Variants in IGFL2 observed in about 807,000 individuals in gnomAD.
IGFL2 encodes insulin growth factor-like family member 2.
IGFL2 carries 7 observed loss-of-function variants against 13.9 expected under a neutral mutation model. The observed-to-expected ratio is 0.51, with a 90% CI of 0.29 to 0.95. The LOEUF is 0.95. IGFL2 is among the 40% of genes least tolerant of loss of function. The pLI, the probability that IGFL2 is intolerant of heterozygous loss-of-function variation, is 0.08. For missense variants in IGFL2, 138 were observed against 147.8 expected (o/e 0.93, Z 0.34); for synonymous variants, 55 against 55.8 (o/e 0.99, Z 0.07).
upstream of IGFL2, among the ~76,000 whole-genome samples, chr19:46,138,712 A>G (rs1409129023): frequency 6.6e-6 from 1 of 152,188 alleles, no homozygotes; most frequent in Non-Finnish European, 1.5e-5. Context: ...GAAGCACCTT[A>G]GTTTGGCAAC....
the IGFL2 span, among the ~76,000 whole-genome samples, chr19:46,079,772 G>C: frequency 6.6e-6 from 1 of 152,168 alleles, no homozygotes; most frequent in Non-Finnish European, 1.5e-5. Flanking sequence ...CTCATCAAAG[G>C]AAGCTCAGAT....
At chr19:46,099,917 G>C in the IGFL2 span, among the ~76,000 whole-genome samples, 9 of 151,836 alleles carry the variant, frequency 5.9e-5, no homozygotes, top group African/African-American at 2.2e-4. Flanking sequence ...TTATCCTTCT[G>C]CTTGATACCT....
chr19:46,110,807 C>G, the IGFL2 span, among the ~76,000 whole-genome samples: 442 of 152,118 alleles, frequency 2.9e-3, 1 homozygote, highest in Non-Finnish European at 5.0e-3. Context: ...CAAGATGATA[C>G]GATACATCAT....
the IGFL2 span, among the ~76,000 whole-genome samples, chr19:46,205,333 G>A: frequency 6.6e-6 from 1 of 152,148 alleles, no homozygotes; most frequent in Non-Finnish European, 1.5e-5. Context: ...GGCTACCTGG[G>A]ACTAGGCATT....
chr19:46,122,161 A>C, the IGFL2 span, among the ~76,000 whole-genome samples: 1 of 151,068 alleles, frequency 6.6e-6, no homozygotes, highest in Non-Finnish European at 1.5e-5. Context: ...TAAAAAGTGT[A>C]CATCCACTTC....
Position 46,160,652 on chromosome 19 carries a change from C to G in IGFL2, c.112C>G (p.Pro38Ala), listed in dbSNP as rs1314902815. The G allele has an allele frequency of 6.2e-7, 1 of 1,614,094 alleles. No individual in the cohort carries two copies. The highest frequency in any genetic ancestry group is 8.5e-7 in the Non-Finnish European group (1 of 1,180,004). ...GSEPWLCQPA[P>A]RCGDKIYNPL... Reference sequence around the variant, plus strand: ...AGAACCATGGCTGTGCCAGCCGGCACCCAGGTGTGGAGACAAGATCTACAA... The same window carrying G: ...AGAACCATGGCTGTGCCAGCCGGCAGCCAGGTGTGGAGACAAGATCTACAA... Residue 38 changes from proline (P) to alanine (A), a missense_variant, in exon 3 of 4, where the codon CCC becomes GCC. Physicochemically the swap from Pro to Ala is conservative, Grantham distance 27 (BLOSUM62 -1). Coordinates refer to ENST00000377693, the MANE Select transcript of IGFL2 (RefSeq NM_001135113.2).
chr19:46,162,618 CTTGTG>C (rs747650951), downstream of IGFL2, among the ~76,000 whole-genome samples: 3 of 152,090 alleles, frequency 2.0e-5, no homozygotes, highest in Non-Finnish European at 2.9e-5. Flanking sequence ...TTGTGAAATT[CTTGTG>C]TTGTGTTATT....
At chr19:46,129,305 T>TC in the IGFL2 span, among the ~76,000 whole-genome samples, 42 of 128,412 alleles carry the variant, frequency 3.3e-4, no homozygotes, top group East Asian at 7.2e-3. Context: ...TTTGTTGATC[T>TC]TTTGTGTGTG....
At chr19:46,133,965 C>G in the IGFL2 span, among the ~76,000 whole-genome samples, 8 of 152,220 alleles carry the variant, frequency 5.3e-5, no homozygotes, top group Non-Finnish European at 1.2e-4. Flanking sequence ...TCCCTGATGA[C>G]TCCCTGAAAA....
chr19:46,157,723 G>A (rs1182549947), intron 1 of IGFL2, among the ~76,000 whole-genome samples: 1 of 152,138 alleles, frequency 6.6e-6, no homozygotes, highest in Non-Finnish European at 1.5e-5. Context: ...ACTGAGCAAA[G>A]GAGAGGAAGT....
chr19:46,116,882 T>A, the IGFL2 span, among the ~76,000 whole-genome samples: 3 of 152,204 alleles, frequency 2.0e-5, no homozygotes. Context: ...CTTTTCACAC[T>A]CGAATTTAAC....
chr19:46,108,478 G>C, the IGFL2 span, among the ~76,000 whole-genome samples: 10 of 152,182 alleles, frequency 6.6e-5, no homozygotes, highest in African/African-American at 2.4e-4. Flanking sequence ...TTTAGGTCAG[G>C]TGAGAGTTGA....
the IGFL2 span, among the ~76,000 whole-genome samples, chr19:46,106,785 G>A: frequency 1.3e-5 from 2 of 152,144 alleles, no homozygotes; most frequent in Non-Finnish European, 2.9e-5. Context: ...AAAGCCTGCT[G>A]TGGGATGGGA....
upstream of IGFL2, among the ~76,000 whole-genome samples, chr19:46,140,293 T>C (rs1046021681): frequency 1.2e-4 from 18 of 151,800 alleles, no homozygotes; most frequent in Middle Eastern, 3.2e-3. Context: ...ACTTACATGT[T>C]TTTCAAGTCT....
chr19:46,124,803 A>G, the IGFL2 span: 1 of 683,320 alleles, frequency 1.5e-6, no homozygotes, highest in Non-Finnish European at 2.6e-6. Flanking sequence ...ACATTCCTTG[A>G]AGATAACCAA....
chr19:46,085,912 G>GA, the IGFL2 span, among the ~76,000 whole-genome samples: 2 of 152,092 alleles, frequency 1.3e-5, no homozygotes, highest in Non-Finnish European at 2.9e-5. Flanking sequence ...AACCATACAG[G>GA]AACATTGGTT....
intron 1 of IGFL2, chr19:46,149,167 C>CT: frequency 1.5e-6 from 1 of 674,852 alleles, no homozygotes; most frequent in Non-Finnish European, 2.7e-6. Flanking sequence ...TCTCTTCTCT[C>CT]TCTCTCTCTT....
At chr19:46,123,749 CT>C in the IGFL2 span, 134 of 948,398 alleles carry the variant, frequency 1.4e-4, 1 homozygote, top group Non-Finnish European at 1.9e-4. Flanking sequence ...TCTGCTTCTT[CT>C]TTTTGCTTTC....
chr19:46,140,134 G>A (rs1972793061), upstream of IGFL2, among the ~76,000 whole-genome samples: 1 of 151,962 alleles, frequency 6.6e-6, no homozygotes. Flanking sequence ...ATTTTTGGTA[G>A]AGACGGGGTT....
Sources: gnomAD v4.1 joint callset for allele counts (sites outside exome capture counted in the v4.1 genomes callset) on GRCh38, gnomAD v4.1.1 for gene constraint, MANE v1.5 for transcripts, NCBI Gene and HGNC (gene_info 2026-07-23, HGNC 2026-07-21) for gene names.